The following PACS1 variants were observed in gnomAD, a reference collection of about 807,000 sequenced individuals.
The protein encoded by PACS1 is phosphofurin acidic cluster sorting protein 1, also known as PACS-1.
PACS1 carries 24 observed loss-of-function variants against 115.0 expected under a neutral mutation model. That is an observed-to-expected ratio of 0.21 (90% confidence interval 0.15 to 0.29). PACS1 has a LOEUF of 0.29. Among genes scored for constraint, PACS1 ranks in the 10% least tolerant of loss-of-function variants. The pLI is 1.00. For synonymous variants in PACS1, 453 were observed against 504.5 expected, an observed-to-expected ratio of 0.90 and a Z score of 1.37; for missense variants, 838 against 1,251.2, an observed-to-expected ratio of 0.67 and a Z score of 4.98.
chr11:66,180,338 CTCTT>C (rs1859975254), intron 1 of PACS1, among the ~76,000 whole-genome samples: 1 of 151,556 alleles, frequency 6.6e-6, no homozygotes, highest in Admixed American at 6.6e-5. Context: ...ATTGTATTGT[CTCTT>C]TCTTTCAGCT....
rs1407347075 is a variant in PACS1 at position 66,233,580 on chromosome 11, G to A, written c.1839-205G>A. On this transcript the variant is annotated intron_variant, in intron 15 of 23. Transcript: ENST00000320580. The surrounding 1 kb of genome is among the most constrained non-coding windows in gnomAD (Gnocchi z 4.5). ...CCTCAGCTGTTCCGTCTGCTTCATG[G>A]GCAATGCCCTCTGACCCTGGATTTT... Among the ~76,000 whole-genome samples the A allele has an allele frequency of 6.6e-6, 1 of 152,178 alleles. No homozygotes were observed. Among genetic ancestry groups the A allele is most frequent in the African/African-American group, 2.4e-5 (1 of 41,452 alleles).
chr11:66,176,305 C>T (rs77298857), intron 1 of PACS1, among the ~76,000 whole-genome samples: 12 of 152,234 alleles, frequency 7.9e-5, no homozygotes, highest in African/African-American at 2.9e-4. Flanking sequence ...CAGTATTTAG[C>T]GCTCACTTAT....
intron 1 of PACS1, among the ~76,000 whole-genome samples, chr11:66,141,034 T>C (rs1238821978): frequency 6.6e-6 from 1 of 152,196 alleles, no homozygotes; most frequent in African/African-American, 2.4e-5. Flanking sequence ...GACTTCAGAT[T>C]GTTTCCAATT....
intron 1 of PACS1, among the ~76,000 whole-genome samples, chr11:66,117,520 G>C (rs1422361239): frequency 6.6e-6 from 1 of 151,432 alleles, no homozygotes; most frequent in East Asian, 2.0e-4. Flanking sequence ...CCTCATTAGA[G>C]TTACAAGACC....
At chr11:66,121,470 G>A (rs1396527179) in intron 1 of PACS1, among the ~76,000 whole-genome samples, 1 of 152,158 alleles carries the variant, frequency 6.6e-6, no homozygotes, top group Non-Finnish European at 1.5e-5. Flanking sequence ...GCTTAGTAAG[G>A]AAGGAATATT....
chr11:66,143,230 C>G (rs1383650662), intron 1 of PACS1, among the ~76,000 whole-genome samples: 3 of 152,154 alleles, frequency 2.0e-5, no homozygotes, highest in Non-Finnish European at 4.4e-5. Flanking sequence ...TAATGGACTG[C>G]TGGCTTCAAG....
At chr11:66,211,421 CT>C (rs1195683696) in intron 4 of PACS1, among the ~76,000 whole-genome samples, 162 bp downstream of exon 4, 2 of 152,156 alleles carry the variant, frequency 1.3e-5, no homozygotes, top group African/African-American at 4.8e-5. Context: ...TCAGAGTATA[CT>C]TGTTTTTATC....
At chr11:66,149,954 A>C (rs1026837019) in intron 1 of PACS1, among the ~76,000 whole-genome samples, 4 of 151,804 alleles carry the variant, frequency 2.6e-5, no homozygotes, top group African/African-American at 9.7e-5. Flanking sequence ...TCTCCATGTT[A>C]GTCAGGCTGG....
chr11:66,081,532 A>AC (rs1382766043), intron 1 of PACS1, among the ~76,000 whole-genome samples: 1 of 152,206 alleles, frequency 6.6e-6, no homozygotes, highest in Non-Finnish European at 1.5e-5. Context: ...TCTTGGGTTC[A>AC]CCTGAGGCAC....
chr11:66,213,869 T>G (rs1855136154), intron 4 of PACS1, among the ~76,000 whole-genome samples: 1 of 151,768 alleles, frequency 6.6e-6, no homozygotes, highest in South Asian at 2.1e-4. Flanking sequence ...CCATCTCTAC[T>G]AAAAATACAA....
chr11:66,202,647 G>A (rs1049427613), intron 2 of PACS1, among the ~76,000 whole-genome samples: 1 of 149,134 alleles, frequency 6.7e-6, no homozygotes, highest in East Asian at 2.0e-4. Flanking sequence ...CCAGCACTTT[G>A]GGAGGCCAAG....
chr11:66,208,037 G>A (rs572033938), intron 2 of PACS1, among the ~76,000 whole-genome samples: 5 of 152,172 alleles, frequency 3.3e-5, no homozygotes, highest in East Asian at 3.9e-4. Flanking sequence ...CCAAAGTGCC[G>A]GGATTACAGG....
intron 1 of PACS1, among the ~76,000 whole-genome samples, chr11:66,092,388 ATTTG>A (rs1455717622): frequency 2.0e-5 from 3 of 151,896 alleles, no homozygotes; most frequent in Non-Finnish European, 4.4e-5. Context: ...TTTCTTGTAA[ATTTG>A]TTTGAGTTCA....
At chr11:66,212,779 C>T (rs1302864708) in intron 4 of PACS1, among the ~76,000 whole-genome samples, 1 of 152,192 alleles carries the variant, frequency 6.6e-6, no homozygotes, top group Non-Finnish European at 1.5e-5. Context: ...TTGGTCATCA[C>T]TATACTTGGA....
chr11:66,086,241 C>A (rs563607496), intron 1 of PACS1, among the ~76,000 whole-genome samples: 1 of 151,474 alleles, frequency 6.6e-6, no homozygotes, highest in Non-Finnish European at 1.5e-5. Context: ...GGGGTTCACG[C>A]CATTCTCCTG....
At chr11:66,242,574 A>G (rs1182534067) in intron 22 of PACS1, among the ~76,000 whole-genome samples, 3 of 152,216 alleles carry the variant, frequency 2.0e-5, no homozygotes, top group African/African-American at 7.2e-5. Context: ...TGCATAGAGC[A>G]TGCGCCTGAT....
chr11:66,242,402 G>A (rs1354336368), intron 22 of PACS1, among the ~76,000 whole-genome samples: 1 of 152,236 alleles, frequency 6.6e-6, no homozygotes, highest in Non-Finnish European at 1.5e-5. Flanking sequence ...CAGGCCCACA[G>A]CCAAAACCCA....
intron 10 of PACS1, among the ~76,000 whole-genome samples, chr11:66,226,442 G>A (rs1855471276): frequency 6.6e-6 from 1 of 152,184 alleles, no homozygotes; most frequent in Non-Finnish European, 1.5e-5. Flanking sequence ...TGAGGGAGTG[G>A]AGAGTTGCCA....
At chr11:66,143,269 T>A (rs1383252401) in intron 1 of PACS1, among the ~76,000 whole-genome samples, 1 of 152,204 alleles carries the variant, frequency 6.6e-6, no homozygotes, top group Non-Finnish European at 1.5e-5. Context: ...TTAAAACTTC[T>A]TGCTGTAAAG....
Sources: allele counts gnomAD v4.1 joint callset (sites outside exome capture counted in the v4.1 genomes callset), GRCh38; gene constraint gnomAD v4.1.1; non-coding constraint Gnocchi (gnomAD v3.1); transcripts MANE v1.5; gene names NCBI Gene and HGNC (gene_info 2026-07-23, HGNC 2026-07-21).